EML1: variants seen among roughly 807,000 people sequenced by gnomAD.
EML1 encodes echinoderm microtubule-associated protein-like 1.
A neutral mutation model predicts 110.4 loss-of-function variants in EML1; 27 were observed. The observed-to-expected ratio is 0.24, with a 90% CI of 0.18 to 0.34. The LOEUF is 0.34. Among genes scored for constraint, EML1 ranks in the 10% least tolerant of loss-of-function variants. The pLI is 1.00. For missense variants in EML1, 741 were observed against 1,030.9 expected (o/e 0.72, Z 3.85); for synonymous variants, 344 against 385.8 (o/e 0.89, Z 1.27).
intron 1 of EML1, among the ~76,000 whole-genome samples, chr14:99,748,221 A>C (rs1327448106): frequency 2.6e-5 from 4 of 151,984 alleles, no homozygotes; most frequent in African/African-American, 9.7e-5. Context: ...CAGCCCCAGG[A>C]CAGCCCCTGC....
Position 99,917,714 on chromosome 14 carries a change from CGT to C in EML1, c.1753-59_1753-58del, listed in dbSNP as rs1162741154. ...GAGCGTTTGTGTGTGCACGCACTCA[CGT>C]GTGTGTGTTTTATGCTATAGTGTTC... On this transcript the variant is annotated intron_variant, in intron 15 of 21. Coordinates refer to ENST00000262233, the MANE Select transcript of EML1 (RefSeq NM_004434.3). 6.7e-6 allele frequency: 10 copies of C among 1,497,390 alleles called. No homozygotes were observed. In the East Asian group the frequency reaches 1.1e-4, roughly 17 times the overall value. The allele number at this position is 1,497,390 out of a possible 1,614,324, so 92.8% of individuals were successfully genotyped here. A position where few individuals can be genotyped will look rare whatever the true frequency, so the allele number is the denominator to read the frequency against.
intron 1 of EML1, among the ~76,000 whole-genome samples, chr14:99,810,253 C>T (rs1206008178): frequency 3.9e-5 from 6 of 152,206 alleles, no homozygotes; most frequent in Admixed American, 2.6e-4. Context: ...AAACAAAGTT[C>T]AGGGAGACTC....
At chr14:99,803,808 A>G (rs578026136) in intron 1 of EML1, among the ~76,000 whole-genome samples, 2 of 152,364 alleles carry the variant, frequency 1.3e-5, no homozygotes, top group South Asian at 4.1e-4. Flanking sequence ...AATATGTTCC[A>G]GTTGAGAAAC....
intron 1 of EML1, among the ~76,000 whole-genome samples, chr14:99,798,251 T>C (rs1409627560): frequency 6.6e-6 from 1 of 152,004 alleles, no homozygotes; most frequent in Non-Finnish European, 1.5e-5. Flanking sequence ...TTAATCATCC[T>C]GGTTGCTTCA....
At chr14:99,743,618 G>A (rs186261739) in intron 1 of EML1, among the ~76,000 whole-genome samples, 2 of 152,258 alleles carry the variant, frequency 1.3e-5, no homozygotes, top group Middle Eastern at 3.4e-3. Context: ...CCCAAGTCCC[G>A]ACATCAGGCA....
chr14:99,831,844 T>C (rs1056200417), intron 1 of EML1, among the ~76,000 whole-genome samples: 1 of 149,692 alleles, frequency 6.7e-6, no homozygotes, highest in Non-Finnish European at 1.5e-5. Flanking sequence ...TACTGAATGA[T>C]GGGATTTTTT....
chr14:99,874,999 T>C (rs1309183400), intron 3 of EML1: 10 of 1,612,468 alleles, frequency 6.2e-6, no homozygotes, highest in Non-Finnish European at 7.6e-6. Flanking sequence ...TGAGGGGAAC[T>C]TAGATTTACT....
At chr14:99,841,043 G>T (rs1323476669) in intron 1 of EML1, among the ~76,000 whole-genome samples, 2 of 152,176 alleles carry the variant, frequency 1.3e-5, no homozygotes, top group African/African-American at 4.8e-5. Flanking sequence ...AGAAGCCAGT[G>T]CTTGGCTGGG....
chr14:99,794,339 C>CT (rs113918392), intron 1 of EML1, among the ~76,000 whole-genome samples: 7,292 of 141,148 alleles, frequency 0.052, 202 homozygotes, highest in Non-Finnish European at 0.059. Flanking sequence ...GTTAACCACA[C>CT]TTTTTTTTTT....
rs57796662 is a variant in EML1, at chr14:99,866,570, CAAAAAAA to C, written c.383+944_383+950del. On this transcript the variant is annotated intron_variant, in intron 3 of 21. Transcript: ENST00000262233. Reference sequence around the variant, plus strand: ...GGGTGACAAGAGCAAAACTCCATCTCAAAAAAAAAAAAAAAAAAAAAAAAAAGAGTTC... The same window carrying C: ...GGGTGACAAGAGCAAAACTCCATCTCAAAAAAAAAAAAAAAAAAAGAGTTC... Among the ~76,000 whole-genome samples the C allele has an allele frequency of 1.2e-4, 10 of 80,130 alleles. No individual in the cohort carries two copies. The South Asian group carries it at 1.9e-3, about 15-fold the overall frequency. The allele number at this position is 80,130 out of a possible 152,430, so 52.6% of individuals were successfully genotyped here. A position where few individuals can be genotyped will look rare whatever the true frequency, so the allele number is the denominator to read the frequency against.
At chr14:99,801,538 C>G (rs948642107) in intron 1 of EML1, among the ~76,000 whole-genome samples, 1 of 152,094 alleles carries the variant, frequency 6.6e-6, no homozygotes, top group African/African-American at 2.4e-5. Context: ...TGGCGTGAAC[C>G]CGGGAGGCAG....
At chr14:99,745,364 C>A (rs75604884) in intron 1 of EML1, among the ~76,000 whole-genome samples, 1 of 152,154 alleles carries the variant, frequency 6.6e-6, no homozygotes, top group Non-Finnish European at 1.5e-5. Context: ...TCATCCGGCC[C>A]CAAATGACTT....
Position 99,919,873 on chromosome 14 carries a change from A to AG in EML1, c.1821-910dup, listed in dbSNP as rs1333663394. 6.6e-5 allele frequency among the ~76,000 whole-genome samples: 10 copies of AG among 152,294 alleles called. No individual in the cohort carries two copies. The South Asian group carries it at 1.9e-3, about 28-fold the overall frequency. On this transcript the variant is annotated intron_variant, in intron 16 of 21. Transcript: ENST00000262233. ...GCAGGACATCTGACAGTGCCTGGCT[A>AG]GGGGGGCTCCTGTGGAAGACAAGGG...
intron 17 of EML1, 129 bp from the exon 18 acceptor site, chr14:99,935,900 T>C: frequency 1.2e-6 from 1 of 861,046 alleles, no homozygotes; most frequent in East Asian, 2.7e-5. Flanking sequence ...AAAGCAGATT[T>C]TTCTCTTGGA....
chr14:99,747,691 G>A (rs986670011), intron 1 of EML1, among the ~76,000 whole-genome samples: 1 of 152,170 alleles, frequency 6.6e-6, no homozygotes, highest in Admixed American at 6.5e-5. Flanking sequence ...GGTCAGGCTT[G>A]GGCCCGCTTC....
intron 3 of EML1, among the ~76,000 whole-genome samples, chr14:99,878,239 G>A (rs1365472166): frequency 1.3e-5 from 2 of 151,538 alleles, no homozygotes; most frequent in East Asian, 3.9e-4. Context: ...CGGTACTGTT[G>A]AAGTCTTAAT....
At chr14:99,751,424 A>G (rs968776019) in intron 1 of EML1, among the ~76,000 whole-genome samples, 7 of 152,236 alleles carry the variant, frequency 4.6e-5, no homozygotes, top group Admixed American at 3.3e-4. Flanking sequence ...TTCGACTAAC[A>G]TTTACTGATC....
At chr14:99,752,267 C>T (rs1242556571) in intron 1 of EML1, among the ~76,000 whole-genome samples, 3 of 152,116 alleles carry the variant, frequency 2.0e-5, no homozygotes, top group Non-Finnish European at 4.4e-5. Context: ...AGTCCTTGTC[C>T]CTAGATTCCC....
At chr14:99,874,708 A>AT (rs2059260522) in intron 3 of EML1, among the ~76,000 whole-genome samples, 3 of 152,274 alleles carry the variant, frequency 2.0e-5, no homozygotes, top group African/African-American at 2.4e-5. Context: ...CAACAGTAAG[A>AT]TTTTTTTAAA....
Sources: gnomAD v4.1 joint callset for allele counts (sites outside exome capture counted in the v4.1 genomes callset) on GRCh38, gnomAD v4.1.1 for gene constraint, MANE v1.5 for transcripts, NCBI Gene and HGNC (gene_info 2026-07-23, HGNC 2026-07-21) for gene names.